Variants in ZNF385D observed in about 807,000 individuals in gnomAD.
The protein encoded by ZNF385D is zinc finger protein 659.
ZNF385D carries 15 observed loss-of-function variants against 35.8 expected under a neutral mutation model. The observed-to-expected ratio is 0.42, with a 90% CI of 0.28 to 0.64. The LOEUF (loss-of-function observed/expected upper bound fraction) is 0.64, where lower values mean the gene tolerates loss of function less well. Ranked by LOEUF, ZNF385D falls within the 30% of genes least tolerant of loss-of-function variation. The probability of loss-of-function intolerance (pLI) is 0.23; values close to 1 mark genes in which losing one functional copy is unlikely to be tolerated. For missense variants in ZNF385D, 474 were observed against 494.6 expected (o/e 0.96, Z 0.39); for synonymous variants, 212 against 186.8 (o/e 1.13, Z -1.10).
intron 3 of ZNF385D, among the ~76,000 whole-genome samples, chr3:21,536,117 A>T (rs1343177712): frequency 2.0e-5 from 3 of 151,966 alleles, no homozygotes; most frequent in Non-Finnish European, 2.9e-5. Flanking sequence ...GTAACAACTT[A>T]TTTGGAAAAA....
intron 3 of ZNF385D, among the ~76,000 whole-genome samples, chr3:22,039,272 A>G (rs1698520885): frequency 8.5e-6 from 1 of 117,892 alleles, no homozygotes; most frequent in Admixed American, 8.5e-5. Flanking sequence ...AAAAAAAAAA[A>G]AGAGTCTATG....
At chr3:22,092,312 T>C (rs955968388) in intron 3 of ZNF385D, among the ~76,000 whole-genome samples, 8 of 152,292 alleles carry the variant, frequency 5.3e-5, no homozygotes, top group Non-Finnish European at 1.0e-4. Context: ...GGTTCTTTTA[T>C]GCTTCTTGAC....
chr3:21,734,895 T>G (rs560952320), intron 1 of ZNF385D, among the ~76,000 whole-genome samples: 1 of 152,080 alleles, frequency 6.6e-6, no homozygotes. Context: ...TTGCATTTAC[T>G]AGAGATAAAT....
At chr3:21,421,911 T>G (rs1700756607) in intron 7 of ZNF385D, among the ~76,000 whole-genome samples, 1 of 152,140 alleles carries the variant, frequency 6.6e-6, no homozygotes, top group African/African-American at 2.4e-5. Context: ...GAGGTACTAT[T>G]CAAAATAAAT....
intron 2 of ZNF385D, among the ~76,000 whole-genome samples, chr3:22,254,085 A>T (rs1473088854): frequency 6.6e-6 from 1 of 151,930 alleles, no homozygotes; most frequent in Non-Finnish European, 1.5e-5. Context: ...AAATATTTGC[A>T]CAGTGTAAAA....
chr3:21,490,182 G>A (rs945489048), intron 4 of ZNF385D, among the ~76,000 whole-genome samples: 2 of 151,202 alleles, frequency 1.3e-5, no homozygotes, highest in Non-Finnish European at 2.9e-5. Flanking sequence ...TATACTTTTA[G>A]AGCTGAGGTG....
intron 3 of ZNF385D, among the ~76,000 whole-genome samples, chr3:22,126,098 G>C (rs563842730): frequency 1.3e-5 from 2 of 152,044 alleles, no homozygotes; most frequent in Admixed American, 6.6e-5. Flanking sequence ...GTATACCCAG[G>C]TTTTTGAGGG....
chr3:21,715,211 C>T (rs930736555), intron 1 of ZNF385D, among the ~76,000 whole-genome samples: 3 of 152,108 alleles, frequency 2.0e-5, no homozygotes, highest in Non-Finnish European at 4.4e-5. Flanking sequence ...ACAGTGTACT[C>T]ATTAAGTATT....
chr3:21,654,151 T>C (rs1345663350), intron 2 of ZNF385D, among the ~76,000 whole-genome samples: 1 of 152,070 alleles, frequency 6.6e-6, no homozygotes, highest in African/African-American at 2.4e-5. Flanking sequence ...TATCTCTATA[T>C]ATAGTCACTT....
chr3:22,300,504 C>G (rs998440002), intron 2 of ZNF385D, among the ~76,000 whole-genome samples: 1 of 151,678 alleles, frequency 6.6e-6, no homozygotes, highest in Non-Finnish European at 1.5e-5. Flanking sequence ...AAGAGACAAC[C>G]TATAGATGAC....
At chr3:22,339,848 C>G (rs114738843) in intron 2 of ZNF385D, among the ~76,000 whole-genome samples, 1 of 152,118 alleles carries the variant, frequency 6.6e-6, no homozygotes, top group South Asian at 2.1e-4. Flanking sequence ...TGATCGACAT[C>G]CGCTTTAAAA....
intron 2 of ZNF385D, among the ~76,000 whole-genome samples, chr3:21,616,602 A>G (rs186823658): frequency 6.6e-6 from 1 of 152,314 alleles, no homozygotes; most frequent in African/African-American, 2.4e-5. Flanking sequence ...TCTAGCCTTT[A>G]CATTTAACTA....
intron 2 of ZNF385D, among the ~76,000 whole-genome samples, chr3:22,218,446 TATATAA>T (rs1458969549): frequency 3.9e-5 from 6 of 152,018 alleles, no homozygotes; most frequent in African/African-American, 1.2e-4. Flanking sequence ...CTTGAATTTA[TATATAA>T]ATATATGTAT....
At chr3:22,084,122 A>G (rs1700905060) in intron 3 of ZNF385D, among the ~76,000 whole-genome samples, 1 of 152,368 alleles carries the variant, frequency 6.6e-6, no homozygotes, top group South Asian at 2.1e-4. Context: ...CAGCCACTGC[A>G]AAAACATGCC....
At position 22,226,660 on chromosome 3, in the gene ZNF385D, C is replaced by T. The variant is rs192033960; in HGVS notation, c.107-57625G>A. Among the ~76,000 whole-genome samples the T allele has an allele frequency of 2.9e-3, 449 of 152,280 alleles. 2 individuals carry two copies. Among genetic ancestry groups the T allele is most frequent in the Admixed American group, 5.0e-3 (76 of 15,292 alleles). ...CTATGATATTCTTTCCCTAAGCAAG[C>T]TTTCAACACTTGCCTCTTTTGAAGT... On this transcript the variant is annotated intron_variant, in intron 2 of 5. Transcript: ENST00000494108.
chr3:22,322,590 T>C (rs1020868779), intron 2 of ZNF385D, among the ~76,000 whole-genome samples: 8 of 152,188 alleles, frequency 5.3e-5, no homozygotes, highest in Non-Finnish European at 1.2e-4. Context: ...CAGTGATATT[T>C]TCAGTTAAGG....
At chr3:21,503,603 A>C (rs984950386) in intron 4 of ZNF385D, among the ~76,000 whole-genome samples, 1 of 152,134 alleles carries the variant, frequency 6.6e-6, no homozygotes, top group African/African-American at 2.4e-5. Context: ...TTTGTCTGGC[A>C]CTGGGCCTGA....
At chr3:22,291,436 T>A (rs1024708647) in intron 2 of ZNF385D, among the ~76,000 whole-genome samples, 5 of 152,060 alleles carry the variant, frequency 3.3e-5, no homozygotes, top group African/African-American at 1.2e-4. Context: ...AATAGTAAAT[T>A]CTTAAATGGA....
At chr3:21,721,651 C>G (rs207463037) in intron 1 of ZNF385D, among the ~76,000 whole-genome samples, 1 of 152,050 alleles carries the variant, frequency 6.6e-6, no homozygotes, top group Non-Finnish European at 1.5e-5. Context: ...TCATTTCAGA[C>G]TATTTTAAGT....
Sources: gnomAD v4.1 joint callset for allele counts (sites outside exome capture counted in the v4.1 genomes callset) on GRCh38, gnomAD v4.1.1 for gene constraint, MANE v1.5 for transcripts, NCBI Gene and HGNC (gene_info 2026-07-23, HGNC 2026-07-21) for gene names.